The following BCAS1 variants were observed in gnomAD, a reference collection of about 807,000 sequenced individuals.
The protein encoded by BCAS1 is brain enriched myelin associated protein 1.
In BCAS1, 46 loss-of-function variants were observed where a neutral mutation model predicts 65.4. The observed-to-expected ratio is 0.70, with a 90% CI of 0.55 to 0.90. The LOEUF (loss-of-function observed/expected upper bound fraction) is 0.90, where lower values mean the gene tolerates loss of function less well. BCAS1 is among the 40% of genes least tolerant of loss of function. BCAS1 has a pLI of 0.00. For missense variants in BCAS1, 793 were observed against 771.2 expected, an observed-to-expected ratio of 1.03 and a Z score of -0.33; for synonymous variants, 298 against 293.5, an observed-to-expected ratio of 1.02 and a Z score of -0.16.
At chr20:54,047,076 T>C (rs1302052958) in intron 3 of BCAS1, among the ~76,000 whole-genome samples, 1 of 152,190 alleles carries the variant, frequency 6.6e-6, no homozygotes, top group Non-Finnish European at 1.5e-5. Flanking sequence ...ATCACAGGTC[T>C]GGTTCCTGGA....
intron 10 of BCAS1, among the ~76,000 whole-genome samples, chr20:53,958,703 C>T (rs1490465537): frequency 6.6e-6 from 1 of 152,132 alleles, no homozygotes; most frequent in African/African-American, 2.4e-5. Flanking sequence ...GGGCATTGTG[C>T]TAAATGAGAT....
intron 10 of BCAS1, among the ~76,000 whole-genome samples, chr20:53,964,235 A>C (rs1448829430): frequency 6.6e-6 from 1 of 152,222 alleles, no homozygotes; most frequent in Non-Finnish European, 1.5e-5. Context: ...AGGGATTGCA[A>C]ACTCAAATAC....
chr20:53,966,324 G>A (rs1284029415), intron 10 of BCAS1, among the ~76,000 whole-genome samples: 1 of 152,228 alleles, frequency 6.6e-6, no homozygotes, highest in African/African-American at 2.4e-5. Flanking sequence ...AATGTCTTTT[G>A]CAGCAACTTG....
Position 53,944,586 on chromosome 20 carries a change from G to A in BCAS1, c.*336C>T, listed in dbSNP as rs572879209. The A allele has an allele frequency of 1.3e-4, 34 of 268,468 alleles. No homozygotes were observed. Among genetic ancestry groups the A allele is most frequent in the African/African-American group, 2.6e-4 (12 of 45,482 alleles). The allele number at this position is 268,468 out of a possible 1,614,324, so 16.6% of individuals were successfully genotyped here. On this transcript the variant is annotated 3_prime_UTR_variant, in exon 13 of 13. Transcript: ENST00000688948. ...GGCCTCCCAAAGTGCTGAGATTACA[G>A]GCGAGAGCCACCACGCCCGGCCACC...
intron 7 of BCAS1, among the ~76,000 whole-genome samples, chr20:53,990,119 A>C (rs1439864872): frequency 1.3e-5 from 2 of 152,234 alleles, no homozygotes; most frequent in African/African-American, 4.8e-5. Context: ...CACTACACCA[A>C]GAACCAAAAA....
intron 3 of BCAS1, among the ~76,000 whole-genome samples, chr20:54,041,645 A>G (rs2091995108): frequency 6.6e-6 from 1 of 152,088 alleles, no homozygotes; most frequent in Admixed American, 6.6e-5. Context: ...GCACTTTGGG[A>G]GGCCGAGGTG....
intron 10 of BCAS1, among the ~76,000 whole-genome samples, chr20:53,965,212 A>G (rs1339127472): frequency 6.6e-6 from 1 of 152,252 alleles, no homozygotes; most frequent in Admixed American, 6.5e-5. Context: ...GGAAAAGAAA[A>G]TGATTCCTGT....
chr20:54,046,354 C>T (rs1163343643), intron 3 of BCAS1, among the ~76,000 whole-genome samples: 2 of 151,384 alleles, frequency 1.3e-5, no homozygotes, highest in Non-Finnish European at 2.9e-5. Context: ...ATAGTGGAAC[C>T]CCGTCTGTAC....
At chr20:54,002,655 A>G (rs1189883719) in intron 4 of BCAS1, among the ~76,000 whole-genome samples, 4 of 152,036 alleles carry the variant, frequency 2.6e-5, no homozygotes, top group Non-Finnish European at 4.4e-5. Flanking sequence ...CACCAAAATT[A>G]ATAATAAATC....
At chr20:54,065,152 C>CCA (rs2092422498) in intron 1 of BCAS1, among the ~76,000 whole-genome samples, 3 of 138,598 alleles carry the variant, frequency 2.2e-5, no homozygotes, top group Non-Finnish European at 3.2e-5. Context: ...ATCTATCTAT[C>CCA]TATCTATCTA....
intron 6 of BCAS1, 86 bp downstream of exon 6, chr20:53,994,926 T>G: frequency 9.0e-7 from 1 of 1,116,368 alleles, no homozygotes; most frequent in Non-Finnish European, 1.3e-6. Context: ...CATATATGTA[T>G]TCAAAAAACA....
At chr20:54,002,048 T>C (rs2091068910) in intron 4 of BCAS1, among the ~76,000 whole-genome samples, 1 of 151,954 alleles carries the variant, frequency 6.6e-6, no homozygotes, top group Non-Finnish European at 1.5e-5. Flanking sequence ...GGTTTTTTTT[T>C]TTTCCCCCTT....
At chr20:53,953,322 C>A in intron 12 of BCAS1, 110 bp downstream of exon 12, 1 of 1,362,848 alleles carries the variant, frequency 7.3e-7, no homozygotes, top group Non-Finnish European at 1.0e-6. Context: ...AGTGATAGAC[C>A]CGGGATCCCA....
chr20:54,053,188 TATAAC>T (rs2092246634), intron 3 of BCAS1, among the ~76,000 whole-genome samples: 1 of 152,182 alleles, frequency 6.6e-6, no homozygotes, highest in African/African-American at 2.4e-5. Flanking sequence ...AAGCTAGAAA[TATAAC>T]ATAAGCAAAA....
chr20:54,050,116 G>C (rs764934266), intron 3 of BCAS1, among the ~76,000 whole-genome samples: 1 of 152,124 alleles, frequency 6.6e-6, no homozygotes, highest in Non-Finnish European at 1.5e-5. Flanking sequence ...CCAGCTTCCA[G>C]TCCAGCAGTG....
intron 7 of BCAS1, among the ~76,000 whole-genome samples, chr20:53,989,542 C>T (rs1170546510): frequency 6.6e-6 from 1 of 152,040 alleles, no homozygotes; most frequent in Non-Finnish European, 1.5e-5. Context: ...GGACCAGAGA[C>T]AGACACCCAC....
At chr20:53,954,444 C>T (rs571245100) in intron 11 of BCAS1, among the ~76,000 whole-genome samples, 55 of 152,224 alleles carry the variant, frequency 3.6e-4, no homozygotes, top group African/African-American at 1.3e-3. Flanking sequence ...CAACCACATG[C>T]GAGTGTTTTC....
rs541065517 is a variant in BCAS1, at chr20:53,962,763, C to T, written c.1485+4143G>A. 3.9e-5 allele frequency among the ~76,000 whole-genome samples: 6 copies of T among 152,302 alleles called. No homozygotes were observed. In the South Asian group the frequency reaches 1.2e-3, roughly 32 times the overall value. ...GCAGGATTTCTGTGAAGTGCTACAT[C>T]TCTATGTGTTGAATGCACTGTTAGG... On this transcript the variant is annotated intron_variant, in intron 10 of 12. Coordinates refer to ENST00000688948, the MANE Select transcript of BCAS1 (RefSeq NM_001366298.2).
At chr20:54,059,989 G>A (rs1398559993) in intron 1 of BCAS1, among the ~76,000 whole-genome samples, 1 of 152,190 alleles carries the variant, frequency 6.6e-6, no homozygotes, top group East Asian at 1.9e-4. Context: ...CTGACTTCAT[G>A]GAGCTGAAGT....
Sources: allele counts gnomAD v4.1 joint callset (sites outside exome capture counted in the v4.1 genomes callset), GRCh38; gene constraint gnomAD v4.1.1; transcripts MANE v1.5; gene names NCBI Gene and HGNC (gene_info 2026-07-23, HGNC 2026-07-21).